The following TLK1 variants were observed in gnomAD, a reference collection of about 807,000 sequenced individuals.
TLK1 encodes serine/threonine-protein kinase tousled-like 1.
A neutral mutation model predicts 105.3 loss-of-function variants in TLK1; 24 were observed. That is an observed-to-expected ratio of 0.23 (90% CI 0.17 to 0.32). The LOEUF (loss-of-function observed/expected upper bound fraction) is 0.32, where lower values mean the gene tolerates loss of function less well. Ranked by LOEUF, TLK1 falls within the 10% of genes least tolerant of loss-of-function variation. The probability of loss-of-function intolerance (pLI) is 1.00; values close to 1 mark genes in which losing one functional copy is unlikely to be tolerated. For synonymous variants in TLK1, 321 were observed against 310.4 expected, an observed-to-expected ratio of 1.03 and a Z score of -0.36; for missense variants, 558 against 910.5, an observed-to-expected ratio of 0.61 and a Z score of 4.98.
At chr2:171,058,294 T>C (rs1374604988) in intron 4 of TLK1, 97 bp from the exon 5 acceptor site, 3 of 1,128,114 alleles carry the variant, frequency 2.7e-6, no homozygotes, top group African/African-American at 1.6e-5. Flanking sequence ...TTCACAAATA[T>C]GAAAATCAAA....
chr2:171,106,710 C>A (rs1217828879), intron 2 of TLK1, among the ~76,000 whole-genome samples: 1 of 142,624 alleles, frequency 7.0e-6, no homozygotes, highest in Admixed American at 6.9e-5. Flanking sequence ...ACTCTTGATG[C>A]TACTATCATT....
At chr2:171,046,990 T>C (rs953118572) in intron 10 of TLK1, among the ~76,000 whole-genome samples, 22 of 152,106 alleles carry the variant, frequency 1.4e-4, no homozygotes, top group African/African-American at 4.6e-4. Flanking sequence ...ATGAGACAAA[T>C]TAACCTTAAT....
At chr2:171,029,881 G>A (rs1418537265) in intron 11 of TLK1, among the ~76,000 whole-genome samples, 2 of 151,992 alleles carry the variant, frequency 1.3e-5, no homozygotes, top group Admixed American at 6.6e-5. Context: ...GAGTAGCTGC[G>A]ACTACAGGCA....
chr2:171,118,009 T>C, intron 1 of TLK1, 152 bp from the exon 2 acceptor site: 1 of 494,868 alleles, frequency 2.0e-6, no homozygotes, highest in East Asian at 3.4e-5. Flanking sequence ...TATTTTTAAA[T>C]GTACACATCA....
intron 1 of TLK1, among the ~76,000 whole-genome samples, chr2:171,214,851 G>T (rs1308812107): frequency 6.6e-6 from 1 of 152,156 alleles, no homozygotes; most frequent in African/African-American, 2.4e-5. Context: ...TCCAGCTAAA[G>T]AATTCTGTGA....
chr2:171,123,345 T>C (rs1324732258), intron 1 of TLK1, among the ~76,000 whole-genome samples: 1 of 150,370 alleles, frequency 6.7e-6, no homozygotes, highest in East Asian at 1.9e-4. Flanking sequence ...TACAGGCACA[T>C]GCCACCATGC....
intron 1 of TLK1, among the ~76,000 whole-genome samples, chr2:171,223,977 T>G (rs1693854543): frequency 1.3e-5 from 2 of 152,178 alleles, no homozygotes; most frequent in Admixed American, 1.3e-4. Context: ...TGTCTATTTT[T>G]GCTTTTGTTG....
At chr2:171,024,127 T>C (rs1235887578) in intron 12 of TLK1, among the ~76,000 whole-genome samples, 1 of 152,164 alleles carries the variant, frequency 6.6e-6, no homozygotes, top group African/African-American at 2.4e-5. Context: ...TGTATATAAT[T>C]AATGATAACC....
At chr2:171,058,229 G>A (rs1472779689) in intron 4 of TLK1, 32 bp from the exon 5 acceptor site, 1 of 1,599,188 alleles carries the variant, frequency 6.3e-7, no homozygotes, top group South Asian at 1.1e-5. Context: ...ATGTTAGTAG[G>A]GTAGTGATGG....
At chr2:171,012,253 C>A (rs879645546) in intron 13 of TLK1, among the ~76,000 whole-genome samples, 7 of 152,096 alleles carry the variant, frequency 4.6e-5, no homozygotes, top group Non-Finnish European at 8.8e-5. Flanking sequence ...TCAACTTGTG[C>A]GTTTTATGCT....
chr2:171,052,158 C>T (rs1391944065), intron 8 of TLK1, among the ~76,000 whole-genome samples: 1 of 151,900 alleles, frequency 6.6e-6, no homozygotes, highest in Non-Finnish European at 1.5e-5. Flanking sequence ...TACTTGGGAG[C>T]CTGAGGTAGA....
chr2:171,080,244 A>G (rs1234514202), intron 3 of TLK1, among the ~76,000 whole-genome samples: 1 of 151,578 alleles, frequency 6.6e-6, no homozygotes, highest in Non-Finnish European at 1.5e-5. Context: ...ATTTGCTCCC[A>G]AAACCAAAAA....
chr2:171,040,385 G>C (rs1686603818), intron 11 of TLK1, among the ~76,000 whole-genome samples: 2 of 152,144 alleles, frequency 1.3e-5, no homozygotes, highest in South Asian at 4.1e-4. Context: ...TGTGGTGTGG[G>C]ATGTTGACAG....
intron 1 of TLK1, among the ~76,000 whole-genome samples, chr2:171,169,014 G>A (rs1692671078): frequency 6.6e-6 from 1 of 151,910 alleles, no homozygotes; most frequent in African/African-American, 2.4e-5. Flanking sequence ...GGAGGCAGAG[G>A]TTGCAGTGAG....
At chr2:171,183,861 A>C (rs1264419466) in intron 1 of TLK1, among the ~76,000 whole-genome samples, 1 of 152,144 alleles carries the variant, frequency 6.6e-6, no homozygotes, top group Non-Finnish European at 1.5e-5. Context: ...CTAAATTAAC[A>C]TTTTTTTCAC....
intron 18 of TLK1, among the ~76,000 whole-genome samples, chr2:171,000,805 TC>T (rs1340456159): frequency 2.0e-5 from 3 of 152,180 alleles, no homozygotes; most frequent in Non-Finnish European, 4.4e-5. Context: ...GTCATAAAAG[TC>T]AAAAGCAATG....
chr2:171,046,003 G>C (rs1686946170), intron 11 of TLK1, 171 bp downstream of exon 11: 1 of 523,298 alleles, frequency 1.9e-6, no homozygotes, highest in South Asian at 5.1e-5. Context: ...TAAAACGGTA[G>C]AATTCAGATA....
chr2:171,004,057 C>A (rs531654141), intron 18 of TLK1, among the ~76,000 whole-genome samples: 2 of 152,168 alleles, frequency 1.3e-5, no homozygotes, highest in Admixed American at 1.3e-4. Flanking sequence ...TGGATTCAAA[C>A]AATTCCCCTG....
At chr2:171,043,364 C>A (rs1226630321) in intron 11 of TLK1, among the ~76,000 whole-genome samples, 1 of 152,136 alleles carries the variant, frequency 6.6e-6, no homozygotes, top group African/African-American at 2.4e-5. Flanking sequence ...AGTAGAAGTA[C>A]TGAGTGATGG....
Sources: allele counts gnomAD v4.1 joint callset (sites outside exome capture counted in the v4.1 genomes callset), GRCh38; gene constraint gnomAD v4.1.1; transcripts MANE v1.5; gene names NCBI Gene and HGNC (gene_info 2026-07-23, HGNC 2026-07-21).